Variants in LCA5L observed in about 807,000 individuals in gnomAD.
LCA5L encodes lebercilin-like protein.
In LCA5L, 35 loss-of-function variants were observed where a neutral mutation model predicts 45.4. The ratio of observed to expected loss-of-function variants is 0.77; its 90% CI spans 0.59 to 1.02. The LOEUF (loss-of-function observed/expected upper bound fraction) is 1.02, where lower values mean the gene tolerates loss of function less well. Ranked by LOEUF, LCA5L falls within the 50% of genes least tolerant of loss-of-function variation. The pLI is 0.00. For synonymous variants in LCA5L, 233 were observed against 264.7 expected (o/e 0.88, Z 1.16); for missense variants, 668 against 761.6 (o/e 0.88, Z 1.45).
intron 7 of LCA5L, among the ~76,000 whole-genome samples, chr21:39,413,085 A>T (rs890595535): frequency 1.2e-4 from 18 of 152,202 alleles, no homozygotes; most frequent in Non-Finnish European, 1.5e-5. Flanking sequence ...ATTTGACCAG[A>T]CTGAGAAGAG....
chr21:39,428,040 G>T, intron 5 of LCA5L, 132 bp downstream of exon 5: 4 of 611,032 alleles, frequency 6.5e-6, no homozygotes, highest in Non-Finnish European at 1.2e-5. Flanking sequence ...TTCTATAAAA[G>T]TTCACCTATA....
intron 3 of LCA5L, among the ~76,000 whole-genome samples, chr21:39,434,043 C>G (rs1382257928): frequency 1.4e-5 from 2 of 148,006 alleles, no homozygotes; most frequent in Admixed American, 1.4e-4. Context: ...ATCAAAGAGA[C>G]AGGATATTCC....
At chr21:39,436,978 T>TA (rs772023351) in intron 2 of LCA5L, among the ~76,000 whole-genome samples, 9 of 152,210 alleles carry the variant, frequency 5.9e-5, no homozygotes, top group Non-Finnish European at 1.0e-4. Context: ...GCTTCCCCAC[T>TA]AACTGCATGC....
At chr21:39,411,848 G>A (rs1174130507) in intron 7 of LCA5L, 46 bp from the exon 8 acceptor site, 2 of 1,071,982 alleles carry the variant, frequency 1.9e-6, no homozygotes, top group South Asian at 1.4e-5. Context: ...GCTTGCTTTT[G>A]TCAACCCTGA....
intron 7 of LCA5L, among the ~76,000 whole-genome samples, chr21:39,415,759 C>T (rs1168815365): frequency 6.6e-6 from 1 of 152,198 alleles, no homozygotes; most frequent in Admixed American, 6.5e-5. Context: ...GATTCTCACT[C>T]TCACCTCTTA....
intron 10 of LCA5L, among the ~76,000 whole-genome samples, chr21:39,408,174 C>G (rs1342191626): frequency 6.6e-6 from 1 of 152,200 alleles, no homozygotes; most frequent in African/African-American, 2.4e-5. Context: ...AACATGAAAA[C>G]AATGAGCCAC....
At chr21:39,435,042 G>T (rs1473932958) in intron 3 of LCA5L, among the ~76,000 whole-genome samples, 1 of 152,142 alleles carries the variant, frequency 6.6e-6, no homozygotes, top group Non-Finnish European at 1.5e-5. Context: ...TTACAGTATA[G>T]TGGTGCCTAT....
intron 6 of LCA5L, among the ~76,000 whole-genome samples, 158 bp from the exon 7 acceptor site, chr21:39,421,001 C>T (rs988154458): frequency 8.6e-5 from 13 of 151,980 alleles, no homozygotes; most frequent in African/African-American, 2.2e-4. Context: ...GAAGTATAAC[C>T]GAAAGAAAGA....
At chr21:39,418,211 C>T (rs1421632138) in intron 7 of LCA5L, among the ~76,000 whole-genome samples, 1 of 152,150 alleles carries the variant, frequency 6.6e-6, no homozygotes, top group Admixed American at 6.5e-5. Flanking sequence ...AGCTACAATT[C>T]AAGATGAGAT....
At chr21:39,438,549 A>G (rs571378920) in intron 2 of LCA5L, 87 of 152,318 alleles carry the variant, frequency 5.7e-4, no homozygotes, top group African/African-American at 2.1e-3. Flanking sequence ...ACAAAGACCT[A>G]ATTTCCTTAA....
chr21:39,406,785 A>C, intron 10 of LCA5L, 173 bp from the exon 11 acceptor site: 1 of 540,110 alleles, frequency 1.9e-6, no homozygotes, highest in Non-Finnish European at 3.2e-6. Flanking sequence ...CTATTAACAA[A>C]TGTGTTATGT....
At chr21:39,424,976 G>C (rs891526858) in intron 5 of LCA5L, among the ~76,000 whole-genome samples, 1 of 152,224 alleles carries the variant, frequency 6.6e-6, no homozygotes, top group Non-Finnish European at 1.5e-5. Context: ...AGGAAGTGGT[G>C]AGACAGAGCC....
At chr21:39,443,729 G>A (rs1162527973) in intron 2 of LCA5L, 1 of 152,336 alleles carries the variant, frequency 6.6e-6, no homozygotes, top group Non-Finnish European at 1.5e-5. Context: ...GGGGCTAGGA[G>A]TTTAAGAGAG....
intron 3 of LCA5L, among the ~76,000 whole-genome samples, 162 bp downstream of exon 3, chr21:39,435,258 T>A (rs539945041): frequency 3.2e-4 from 49 of 152,256 alleles, no homozygotes; most frequent in Non-Finnish European, 4.3e-4. Context: ...ACTTCTATAT[T>A]ATGCTTATCT....
intron 2 of LCA5L, among the ~76,000 whole-genome samples, chr21:39,437,741 C>A (rs1351931217): frequency 1.3e-5 from 2 of 151,970 alleles, no homozygotes; most frequent in Non-Finnish European, 2.9e-5. Flanking sequence ...TGTGCCTGGC[C>A]CTAAAAATAA....
chr21:39,439,942 G>A (rs1601974312), intron 2 of LCA5L, among the ~76,000 whole-genome samples: 1 of 152,110 alleles, frequency 6.6e-6, no homozygotes, highest in Non-Finnish European at 1.5e-5. Context: ...GGGAAGGCTG[G>A]AAAGAACCCT....
intron 2 of LCA5L, among the ~76,000 whole-genome samples, chr21:39,441,715 A>G (rs1169600220): frequency 6.6e-6 from 1 of 152,226 alleles, no homozygotes; most frequent in Non-Finnish European, 1.5e-5. Flanking sequence ...TGGCAAGTGC[A>G]ATGTACTGCA....
intron 10 of LCA5L, chr21:39,407,758 A>G (rs2039339032): frequency 6.6e-6 from 1 of 152,228 alleles, no homozygotes; most frequent in Non-Finnish European, 1.5e-5. Context: ...GCATGCTCAG[A>G]AAGTATTTGT....
intron 5 of LCA5L, among the ~76,000 whole-genome samples, chr21:39,423,852 A>G (rs1016519131): frequency 2.0e-5 from 3 of 152,182 alleles, no homozygotes; most frequent in African/African-American, 7.2e-5. Flanking sequence ...TATAACAGCT[A>G]GACTAAAAGC....
Sources: gnomAD v4.1 joint callset for allele counts (sites outside exome capture counted in the v4.1 genomes callset) on GRCh38, gnomAD v4.1.1 for gene constraint, MANE v1.5 for transcripts, NCBI Gene and HGNC (gene_info 2026-07-23, HGNC 2026-07-21) for gene names.